Variants in FBXL7 observed in about 807,000 individuals in gnomAD.
FBXL7 encodes the protein F-box/LRR-repeat protein 7.
Under a neutral mutation model 38.3 loss-of-function variants are expected in FBXL7, and 12 were observed. The ratio of observed to expected loss-of-function variants is 0.31; its 90% CI spans 0.20 to 0.51. The LOEUF (loss-of-function observed/expected upper bound fraction) is 0.51, where lower values mean the gene tolerates loss of function less well. Ranked by LOEUF, FBXL7 falls within the 20% of genes least tolerant of loss-of-function variation. The pLI is 0.98. For missense variants in FBXL7, 567 were observed against 676.4 expected (o/e 0.84, Z 1.79); for synonymous variants, 297 against 300.9 (o/e 0.99, Z 0.13).
chr5:15,893,855 C>T (rs572156978), intron 2 of FBXL7, among the ~76,000 whole-genome samples: 2 of 152,286 alleles, frequency 1.3e-5, no homozygotes, highest in African/African-American at 2.4e-5. Flanking sequence ...TCAATGCATA[C>T]GCCTGGTAAA....
chr5:15,916,014 A>G (rs1294047128), intron 2 of FBXL7, among the ~76,000 whole-genome samples: 1 of 152,174 alleles, frequency 6.6e-6, no homozygotes, highest in Non-Finnish European at 1.5e-5. Flanking sequence ...AGACCTGATG[A>G]ATGGTGATGC....
intron 2 of FBXL7, among the ~76,000 whole-genome samples, chr5:15,870,813 A>G (rs1367180613): frequency 1.3e-5 from 2 of 152,170 alleles, no homozygotes; most frequent in African/African-American, 4.8e-5. Context: ...AGCCCCACTC[A>G]GGGGCTTATA....
At chr5:15,620,295 C>T (rs1228134227) in intron 2 of FBXL7, among the ~76,000 whole-genome samples, 1 of 147,648 alleles carries the variant, frequency 6.8e-6, no homozygotes, top group Non-Finnish European at 1.5e-5. Flanking sequence ...TGCAGTGGCT[C>T]AATCTTGGCT....
intron 2 of FBXL7, among the ~76,000 whole-genome samples, chr5:15,627,684 C>A (rs1561058746): frequency 6.6e-6 from 1 of 152,176 alleles, no homozygotes; most frequent in Admixed American, 6.5e-5. Flanking sequence ...CACTAAAGCA[C>A]CATCTTCTCA....
At chr5:15,912,488 C>T (rs935925887) in intron 2 of FBXL7, among the ~76,000 whole-genome samples, 1 of 149,360 alleles carries the variant, frequency 6.7e-6, no homozygotes, top group Admixed American at 6.6e-5. Flanking sequence ...CCGTCTTCTG[C>T]GTCGCTCACG....
At chr5:15,561,729 C>G (rs1184196942) in intron 1 of FBXL7, among the ~76,000 whole-genome samples, 1 of 152,038 alleles carries the variant, frequency 6.6e-6, no homozygotes, top group Non-Finnish European at 1.5e-5. Context: ...ACACTTATAC[C>G]TTTTTGATAA....
chr5:15,764,198 T>G (rs1208865357), intron 2 of FBXL7, among the ~76,000 whole-genome samples: 1 of 152,204 alleles, frequency 6.6e-6, no homozygotes, highest in African/African-American at 2.4e-5. Context: ...TGTTGGAAAG[T>G]GTTTCATAAA....
chr5:15,580,308 G>T (rs971751454), intron 1 of FBXL7, among the ~76,000 whole-genome samples: 3 of 152,104 alleles, frequency 2.0e-5, no homozygotes, highest in Admixed American at 1.3e-4. Flanking sequence ...AATGTTTGTT[G>T]TTTAAGCCCC....
intron 2 of FBXL7, among the ~76,000 whole-genome samples, chr5:15,642,694 C>T (rs1350140862): frequency 6.6e-6 from 1 of 152,084 alleles, no homozygotes; most frequent in East Asian, 1.9e-4. Flanking sequence ...AGGAGACAGA[C>T]CTAGATAGGA....
At chr5:15,526,265 G>C (rs985217101) in intron 1 of FBXL7, among the ~76,000 whole-genome samples, 2 of 152,120 alleles carry the variant, frequency 1.3e-5, no homozygotes, top group Non-Finnish European at 2.9e-5. Flanking sequence ...TGGCTGGCAG[G>C]GTTGGTGGGC....
intron 2 of FBXL7, among the ~76,000 whole-genome samples, chr5:15,761,630 A>G (rs529684541): frequency 6.6e-6 from 1 of 152,270 alleles, no homozygotes; most frequent in African/African-American, 2.4e-5. Context: ...TGCAGCCTCC[A>G]TCTCCTGGGC....
At chr5:15,553,221 C>A (rs930976829) in intron 1 of FBXL7, among the ~76,000 whole-genome samples, 1 of 152,208 alleles carries the variant, frequency 6.6e-6, no homozygotes, top group Admixed American at 6.5e-5. Flanking sequence ...TCCCTTCTCT[C>A]TGCAACACCC....
chr5:15,841,450 A>C (rs1022689124), intron 2 of FBXL7, among the ~76,000 whole-genome samples: 1 of 152,138 alleles, frequency 6.6e-6, no homozygotes, highest in African/African-American at 2.4e-5. Flanking sequence ...ATTTTGTTGA[A>C]TCTTTCAGCA....
chr5:15,590,697 A>G (rs1325997750), intron 1 of FBXL7, among the ~76,000 whole-genome samples: 1 of 151,990 alleles, frequency 6.6e-6, no homozygotes, highest in African/African-American at 2.4e-5. Flanking sequence ...ATTTATAGCC[A>G]CTGTAGTGGT....
Position 15,820,480 on chromosome 5 carries a change from C to T in FBXL7, c.128-107410C>T. 2.6e-5 allele frequency among the ~76,000 whole-genome samples: 4 copies of T among 152,312 alleles called. 1 individual carries two copies. The South Asian group carries it at 8.3e-4, about 32-fold the overall frequency. ...TTAAACTTGGTGCAGCCTCTCCCATCTCTCTTCCTCCCCTTCCCTCTAGGT... is the reference window on the plus strand; with the variant it reads ...TTAAACTTGGTGCAGCCTCTCCCATTTCTCTTCCTCCCCTTCCCTCTAGGT... On this transcript the variant is annotated intron_variant, in intron 2 of 3. Coordinates refer to ENST00000504595, the MANE Select transcript of FBXL7 (RefSeq NM_012304.5).
chr5:15,604,408 G>A (rs1270310357), intron 1 of FBXL7, among the ~76,000 whole-genome samples: 1 of 151,980 alleles, frequency 6.6e-6, no homozygotes, highest in African/African-American at 2.4e-5. Context: ...AGGCTGAAGT[G>A]CAGTGGCACA....
intron 2 of FBXL7, among the ~76,000 whole-genome samples, chr5:15,897,587 A>T (rs1741135212): frequency 6.6e-6 from 1 of 152,226 alleles, no homozygotes; most frequent in Non-Finnish European, 1.5e-5. Flanking sequence ...TTAAAGTAAA[A>T]ACATAAATTC....
At position 15,938,304 on chromosome 5, in the gene FBXL7, ACAAG is replaced by A. The variant is rs1393171934; in HGVS notation, c.*1123_*1126del. On this transcript the variant is annotated 3_prime_UTR_variant, in exon 4 of 4. Coordinates refer to ENST00000504595, the MANE Select transcript of FBXL7 (RefSeq NM_012304.5). ...TAAAGGCCCTTGCAATTTTTAATTA[ACAAG>A]CAAGGCCCAAGGGAACACATGTCCT... The A allele has an allele frequency of 6.6e-6, 1 of 152,196 alleles. No individual in the cohort carries two copies. Among genetic ancestry groups the A allele is most frequent in the African/African-American group, 2.4e-5 (1 of 41,434 alleles). The allele number at this position is 152,196 out of a possible 1,614,324, so 9.4% of individuals were successfully genotyped here.
intron 2 of FBXL7, among the ~76,000 whole-genome samples, chr5:15,901,682 C>G (rs976209357): frequency 1.3e-5 from 2 of 152,168 alleles, no homozygotes; most frequent in Admixed American, 6.5e-5. Context: ...TATTGCCCTT[C>G]TGAGTAGGAC....
Sources: allele counts gnomAD v4.1 joint callset (sites outside exome capture counted in the v4.1 genomes callset), GRCh38; gene constraint gnomAD v4.1.1; transcripts MANE v1.5; gene names NCBI Gene and HGNC (gene_info 2026-07-23, HGNC 2026-07-21).